Variants in NECTIN1 observed in about 807,000 individuals in gnomAD.
NECTIN1 encodes nectin cell adhesion molecule 1, also known as nectin-1.
NECTIN1 carries 23 observed loss-of-function variants against 48.0 expected under a neutral mutation model. The ratio of observed to expected loss-of-function variants is 0.48; its 90% CI spans 0.34 to 0.68. The LOEUF is 0.68. Ranked by LOEUF, NECTIN1 falls within the 30% of genes least tolerant of loss-of-function variation. The pLI is 0.01. For missense variants in NECTIN1, 591 were observed against 709.9 expected (o/e 0.83, Z 1.90); for synonymous variants, 270 against 288.9 (o/e 0.93, Z 0.66).
chr11:119,638,712 T>G, intron 7 of NECTIN1: 2 of 1,609,484 alleles, frequency 1.2e-6, no homozygotes, highest in Non-Finnish European at 1.7e-6. Flanking sequence ...GACCTTGTCC[T>G]CTGCTGCCTC....
Position 119,678,530 on chromosome 11 carries a change from G to C in NECTIN1, c.315C>G (p.Thr105=). 6.2e-7 allele frequency: 1 copy of C among 1,614,214 alleles called. No homozygotes were observed. The highest frequency in any genetic ancestry group is 8.5e-7 in the Non-Finnish European group (1 of 1,180,034). ...ERVEFLRPSF[T]DGTIRLSRLE... ...GGCGGGAGAGGCGGATAGTGCCATC[G>C]GTGAAGGAGGGCCGCAGGAATTCCA... The change falls in exon 2 of 6, where the codon ACC becomes ACG. Residue 105 remains threonine, a synonymous_variant. Transcript: ENST00000264025. This position sits in a 1 kb window ranked among gnomAD's most constrained non-coding sequence, Gnocchi z 4.4.
chr11:119,647,222 T>TGTGTGTGTGTGTGTGTGA (rs1365050105), intron 5 of NECTIN1, among the ~76,000 whole-genome samples: 3 of 108,014 alleles, frequency 2.8e-5, no homozygotes, highest in Non-Finnish European at 6.0e-5. Flanking sequence ...TGTGTGTGTG[T>TGTGTGTGTGTGTGTGTGA]GACTGTGACC....
chr11:119,647,480 C>G (rs1008488960), intron 5 of NECTIN1, among the ~76,000 whole-genome samples: 37 of 152,050 alleles, frequency 2.4e-4, no homozygotes, highest in Admixed American at 1.9e-3. Context: ...GACTATCTCC[C>G]TGTTAGGGAC....
Position 119,639,787 on chromosome 11 carries a change from T to A in NECTIN1, c.1151+78A>T, listed in dbSNP as rs553826786. ...GGCCCTGAGCTTTCACAAGTTTAGG[T>A]GCTTTAAGTCTGGGGCTCCCAGGGT... On this transcript the variant is annotated intron_variant, in intron 6 of 7. Coordinates refer to the NECTIN1 transcript ENST00000341398. The A allele has an allele frequency of 2.0e-5, 32 of 1,592,802 alleles. No homozygotes were observed. In the East Asian group the frequency reaches 7.2e-4, roughly 36 times the overall value.
intron 1 of NECTIN1, among the ~76,000 whole-genome samples, chr11:119,712,198 C>A (rs1471630835): frequency 1.3e-5 from 2 of 152,196 alleles, no homozygotes; most frequent in Non-Finnish European, 2.9e-5. Flanking sequence ...TCCCAGTCCA[C>A]AGGCTGCGGA....
intron 1 of NECTIN1, among the ~76,000 whole-genome samples, chr11:119,704,511 G>A (rs1280626585): frequency 6.6e-6 from 1 of 152,116 alleles, no homozygotes; most frequent in Non-Finnish European, 1.5e-5. Context: ...GCCACTGCAC[G>A]CAGTCCACCC....
chr11:119,654,228 T>A (rs914976517), intron 5 of NECTIN1: 1 of 151,674 alleles, frequency 6.6e-6, no homozygotes, highest in Non-Finnish European at 1.5e-5. Flanking sequence ...CTCAAAGGTT[T>A]ACTTGCCCAT....
At chr11:119,638,981 A>G (rs902801386) in intron 6 of NECTIN1, among the ~76,000 whole-genome samples, 6 of 151,728 alleles carry the variant, frequency 4.0e-5, no homozygotes, top group African/African-American at 1.5e-4. Context: ...CTCAGGGGTC[A>G]TGGGTTACAG....
In NECTIN1 at chr11:119,673,284, G is replaced by A. The variant is rs1194941199; in HGVS notation, c.1003+1875C>T. On this transcript the variant is annotated intron_variant, in intron 5 of 5. Coordinates refer to ENST00000264025, the MANE Select transcript of NECTIN1 (RefSeq NM_002855.5). This position sits in a 1 kb window ranked among gnomAD's most constrained non-coding sequence, Gnocchi z 5.8. Reference sequence around the variant, plus strand: ...CTGGAGGGGGCTGAGAGTCCCTTCCGAGAGAGGCCAGCCGCTCAGCGCCTG... The same window carrying A: ...CTGGAGGGGGCTGAGAGTCCCTTCCAAGAGAGGCCAGCCGCTCAGCGCCTG... Among the ~76,000 whole-genome samples the A allele has an allele frequency of 2.0e-5, 3 of 152,140 alleles. No homozygotes were observed. Among genetic ancestry groups the A allele is most frequent in the South Asian group, 2.1e-4 (1 of 4,826 alleles).
intron 5 of NECTIN1, chr11:119,674,556 C>T: frequency 3.1e-6 from 5 of 1,614,196 alleles, no homozygotes; most frequent in Non-Finnish European, 3.4e-6. Flanking sequence ...TGACATCAAG[C>T]CCATGCTCCT....
At chr11:119,716,012 C>T (rs1428684475) in intron 1 of NECTIN1, among the ~76,000 whole-genome samples, 2 of 152,222 alleles carry the variant, frequency 1.3e-5, no homozygotes, top group Non-Finnish European at 2.9e-5. Context: ...ACAACACATC[C>T]AGGGCAGTGG....
chr11:119,707,514 G>A (rs35301288), intron 1 of NECTIN1, among the ~76,000 whole-genome samples: 51,742 of 151,402 alleles, frequency 0.34, 9,625 homozygotes, highest in East Asian at 0.45. Flanking sequence ...CGAACAGGGT[G>A]AACAACACCT....
At chr11:119,725,594 G>A (rs925678194) in intron 1 of NECTIN1, among the ~76,000 whole-genome samples, 2 of 152,222 alleles carry the variant, frequency 1.3e-5, no homozygotes, top group African/African-American at 4.8e-5. Flanking sequence ...TGCCCAGCAA[G>A]CTGAAGGACA....
intron 1 of NECTIN1, among the ~76,000 whole-genome samples, chr11:119,694,751 A>G (rs557435456): frequency 6.6e-6 from 1 of 152,240 alleles, no homozygotes; most frequent in Non-Finnish European, 1.5e-5. Context: ...GATTTGGCCC[A>G]TGGTCCACTC....
intron 4 of NECTIN1, among the ~76,000 whole-genome samples, chr11:119,675,937 C>T (rs140043405): frequency 1.3e-3 from 196 of 151,214 alleles, no homozygotes; most frequent in African/African-American, 3.8e-3. Flanking sequence ...ACCTGGGAGG[C>T]GGAGGTTGCA....
In NECTIN1 at chr11:119,661,540, C is replaced by T. The variant is rs1864665223; in HGVS notation, c.*3207G>A. Reference sequence around the variant, plus strand: ...TCCTGAGGCCTGGGAGCACTACCCTCCTCCCAGAAGAGGGGACATCCGTGT... The same window carrying T: ...TCCTGAGGCCTGGGAGCACTACCCTTCTCCCAGAAGAGGGGACATCCGTGT... On this transcript the variant is annotated 3_prime_UTR_variant, in exon 6 of 6. Coordinates refer to ENST00000264025, the MANE Select transcript of NECTIN1 (RefSeq NM_002855.5). The T allele has an allele frequency of 2.0e-6, 2 of 985,906 alleles. No homozygotes were observed. The highest frequency in any genetic ancestry group is 2.4e-6 in the Non-Finnish European group (2 of 829,976). The allele number at this position is 985,906 out of a possible 1,614,324, so 61.1% of individuals were successfully genotyped here. A position where few individuals can be genotyped will look rare whatever the true frequency, so the allele number is the denominator to read the frequency against.
intron 1 of NECTIN1, among the ~76,000 whole-genome samples, chr11:119,713,443 G>A (rs1018421044): frequency 6.6e-6 from 1 of 152,060 alleles, no homozygotes; most frequent in Non-Finnish European, 1.5e-5. Context: ...TTTGACTCCT[G>A]GACTTGAGGC....
At position 119,654,294 on chromosome 11, in the gene NECTIN1, T is replaced by TCCATCCAA. The variant is rs1555075673; in HGVS notation, c.1004-14283_1004-14282insTTGGATGG. 5.7e-5 allele frequency: 8 copies of TCCATCCAA among 141,062 alleles called. No individual in the cohort carries two copies. The East Asian group carries it at 1.0e-3, about 18-fold the overall frequency. The allele number at this position is 141,062 out of a possible 1,614,324, so 8.7% of individuals were successfully genotyped here. A position where few individuals can be genotyped will look rare whatever the true frequency, so the allele number is the denominator to read the frequency against. ...ATCCATCCATCCATCCATCCATCCA[T>TCCATCCAA]CCAACCATCCAACCCCCTCTTGCCC... On this transcript the variant is annotated intron_variant, in intron 5 of 7. Transcript: ENST00000341398.
chr11:119,648,301 G>GTGATGGTGGTGA lies in NECTIN1; in HGVS notation c.1004-8290_1004-8289insTCACCACCATCA. ...GATGGTGGTGGTGATGGTGGTGGTG[G>GTGATGGTGGTGA]TGGTGATGGTGGTGATGGTGATGGT... On this transcript the variant is annotated intron_variant, in intron 5 of 7. Transcript: ENST00000341398. Among the ~76,000 whole-genome samples, 2 of 12,922 alleles carry GTGATGGTGGTGA rather than the reference G, an allele frequency of 1.5e-4. 1 individual carries two copies. Among genetic ancestry groups the GTGATGGTGGTGA allele is most frequent in the South Asian group, 4.7e-3 (2 of 430 alleles). The allele number at this position is 12,922 out of a possible 152,430, so 8.5% of individuals were successfully genotyped here.
Sources: allele counts gnomAD v4.1 joint callset (sites outside exome capture counted in the v4.1 genomes callset), GRCh38; gene constraint gnomAD v4.1.1; non-coding constraint Gnocchi (gnomAD v3.1); transcripts MANE v1.5; gene names NCBI Gene and HGNC (gene_info 2026-07-23, HGNC 2026-07-21).